The following ARHGAP15 variants were observed in gnomAD, a reference collection of about 807,000 sequenced individuals.
ARHGAP15 encodes rho GTPase-activating protein 15.
ARHGAP15 carries 51 observed loss-of-function variants against 63.7 expected under a neutral mutation model. That is an observed-to-expected ratio of 0.80 (90% CI 0.64 to 1.01). ARHGAP15 has a LOEUF of 1.01. Among genes scored for constraint, ARHGAP15 ranks in the 50% least tolerant of loss-of-function variants. The pLI, the probability that ARHGAP15 is intolerant of heterozygous loss-of-function variation, is 0.00. For synonymous variants in ARHGAP15, 191 were observed against 193.8 expected (o/e 0.99, Z 0.12); for missense variants, 560 against 564.6 (o/e 0.99, Z 0.08).
At chr2:143,661,169 T>A (rs1342015368) in intron 12 of ARHGAP15, among the ~76,000 whole-genome samples, 1 of 152,184 alleles carries the variant, frequency 6.6e-6, no homozygotes, top group Non-Finnish European at 1.5e-5. Flanking sequence ...TAAAGACCAA[T>A]GTGATCAGAT....
chr2:143,395,854 C>T (rs1408367769), intron 6 of ARHGAP15, among the ~76,000 whole-genome samples: 2 of 151,970 alleles, frequency 1.3e-5, no homozygotes. Context: ...CTATACTAAA[C>T]ATGTTTCACT....
Position 143,580,469 on chromosome 2 carries a change from G to A in ARHGAP15, c.1003+23984G>A, listed in dbSNP as rs1006944836. On this transcript the variant is annotated intron_variant, in intron 11 of 13. Transcript: ENST00000295095. The stretch of plus-strand genomic sequence containing the variant: ...AGAATGGTATGTTTATTTCCACCTC[G>A]ATGACTTGCCGGTGACAACAGATTC... Among the ~76,000 whole-genome samples the A allele has an allele frequency of 2.0e-5, 3 of 151,992 alleles. No homozygotes were observed. The East Asian group carries it at 5.8e-4, about 29-fold the overall frequency.
At chr2:143,297,510 AC>A (rs1682691227) in intron 6 of ARHGAP15, among the ~76,000 whole-genome samples, 1 of 151,374 alleles carries the variant, frequency 6.6e-6, no homozygotes, top group Non-Finnish European at 1.5e-5. Context: ...GTTCTCCTTT[AC>A]CCCCTTTGTG....
rs10558886 is a variant in ARHGAP15 at position 143,635,194 on chromosome 2, C to CTTTTTTTTTTTTTT, written c.1138+10943_1138+10956dup. ...AACTTTCATATTAACCTCTCAGGAGCTTTTTTTTTTTTTTTTTTTTTTTTT... is the reference window on the plus strand; with the variant it reads ...AACTTTCATATTAACCTCTCAGGAGCTTTTTTTTTTTTTTTTTTTTTTTTTTTTTTTTTTTTTTT... On this transcript the variant is annotated intron_variant, in intron 12 of 13. Coordinates refer to ENST00000295095, the MANE Select transcript of ARHGAP15 (RefSeq NM_018460.4). 2.2e-4 allele frequency among the ~76,000 whole-genome samples: 6 copies of CTTTTTTTTTTTTTT among 26,882 alleles called. 2 individuals are homozygous for CTTTTTTTTTTTTTT. Among genetic ancestry groups the CTTTTTTTTTTTTTT allele is most frequent in the Non-Finnish European group, 3.1e-4 (5 of 16,376 alleles). The allele number at this position is 26,882 out of a possible 152,430, so 17.6% of individuals were successfully genotyped here.
intron 13 of ARHGAP15, among the ~76,000 whole-genome samples, chr2:143,756,948 T>C (rs2030215): frequency 0.99 from 151,183 of 152,278 alleles, 75,050 homozygotes; most frequent in East Asian, 1. Context: ...TGATGTCAAA[T>C]TCAAAATTCT....
chr2:143,286,754 G>A lies in ARHGAP15; in HGVS notation c.474+36154G>A, dbSNP rs560535466. 9.9e-5 allele frequency among the ~76,000 whole-genome samples: 15 copies of A among 152,220 alleles called. 1 individual carries two copies. The South Asian group carries it at 1.9e-3, about 19-fold the overall frequency. On this transcript the variant is annotated intron_variant, in intron 6 of 13. Transcript: ENST00000295095. Reference sequence around the variant, plus strand: ...TTAAAATACAGTCATGTGCCAATAGGATTACATTCTAAGGAATGCATAATT... The same window carrying A: ...TTAAAATACAGTCATGTGCCAATAGAATTACATTCTAAGGAATGCATAATT...
intron 11 of ARHGAP15, 78 bp downstream of exon 11, chr2:143,556,563 T>C: frequency 1.0e-6 from 1 of 974,584 alleles, no homozygotes; most frequent in Non-Finnish European, 1.5e-6. Flanking sequence ...CTGTATGTAC[T>C]GTGAATAATA....
At chr2:143,172,693 A>C (rs1690837721) in intron 2 of ARHGAP15, among the ~76,000 whole-genome samples, 1 of 152,116 alleles carries the variant, frequency 6.6e-6, no homozygotes, top group Non-Finnish European at 1.5e-5. Flanking sequence ...TCACTGAGAC[A>C]GGAAGAACCA....
intron 12 of ARHGAP15, among the ~76,000 whole-genome samples, chr2:143,694,920 T>C (rs1683776086): frequency 6.6e-6 from 1 of 152,206 alleles, no homozygotes; most frequent in African/African-American, 2.4e-5. Context: ...GTGATATAGA[T>C]CCTAGTTGTT....
At chr2:143,566,574 C>T (rs886071759) in intron 11 of ARHGAP15, among the ~76,000 whole-genome samples, 4 of 152,100 alleles carry the variant, frequency 2.6e-5, no homozygotes, top group Non-Finnish European at 5.9e-5. Context: ...CTGCTCCCTC[C>T]TCTCTCTCTG....
chr2:143,252,750 A>G (rs1273485014), intron 6 of ARHGAP15, among the ~76,000 whole-genome samples: 3 of 152,058 alleles, frequency 2.0e-5, no homozygotes, highest in Non-Finnish European at 4.4e-5. Context: ...AGACTATGAG[A>G]GTAAGCCTTT....
chr2:143,162,815 C>T (rs537305506), intron 2 of ARHGAP15, among the ~76,000 whole-genome samples: 3 of 152,048 alleles, frequency 2.0e-5, no homozygotes, highest in Non-Finnish European at 4.4e-5. Context: ...ACTTTACATA[C>T]AATTGTATCA....
intron 1 of ARHGAP15, among the ~76,000 whole-genome samples, chr2:143,154,833 T>C (rs1024682833): frequency 6.6e-6 from 1 of 151,958 alleles, no homozygotes; most frequent in Non-Finnish European, 1.5e-5. Context: ...TAAATCAGAC[T>C]CCTTCTATTA....
At chr2:143,726,850 A>T (rs1163326453) in intron 13 of ARHGAP15, among the ~76,000 whole-genome samples, 3 of 152,236 alleles carry the variant, frequency 2.0e-5, no homozygotes, top group Non-Finnish European at 4.4e-5. Context: ...GCAAGAAAGA[A>T]GTAGAAGACC....
At chr2:143,255,664 T>A (rs1680383791) in intron 6 of ARHGAP15, among the ~76,000 whole-genome samples, 1 of 152,162 alleles carries the variant, frequency 6.6e-6, no homozygotes, top group South Asian at 2.1e-4. Context: ...TATTGTGCTT[T>A]TATCCATTTC....
chr2:143,196,766 T>C (rs1187745043), intron 2 of ARHGAP15, among the ~76,000 whole-genome samples: 6 of 151,934 alleles, frequency 3.9e-5, no homozygotes, highest in Admixed American at 3.9e-4. Flanking sequence ...ATATACATGT[T>C]CTATTCTGTT....
At chr2:143,442,964 T>C (rs1289073809) in intron 8 of ARHGAP15, among the ~76,000 whole-genome samples, 1 of 152,178 alleles carries the variant, frequency 6.6e-6, no homozygotes, top group Non-Finnish European at 1.5e-5. Context: ...AACTCATTGT[T>C]TTCCTATTTT....
intron 12 of ARHGAP15, among the ~76,000 whole-genome samples, chr2:143,628,424 A>T (rs1283420212): frequency 6.6e-6 from 1 of 152,166 alleles, no homozygotes; most frequent in Non-Finnish European, 1.5e-5. Context: ...TGTGCTCTTG[A>T]GATGCTGTTG....
chr2:143,280,050 C>T (rs1681764054), intron 6 of ARHGAP15, among the ~76,000 whole-genome samples: 1 of 152,176 alleles, frequency 6.6e-6, no homozygotes, highest in African/African-American at 2.4e-5. Context: ...TTCAATCATT[C>T]ACACTTTCTA....
Sources: allele counts gnomAD v4.1 joint callset (sites outside exome capture counted in the v4.1 genomes callset), GRCh38; gene constraint gnomAD v4.1.1; transcripts MANE v1.5; gene names NCBI Gene and HGNC (gene_info 2026-07-23, HGNC 2026-07-21).